CNTNAP2: variants seen among roughly 807,000 people sequenced by gnomAD.
The protein encoded by CNTNAP2 is contactin-associated protein-like 2.
In CNTNAP2, 98 loss-of-function variants were observed where a neutral mutation model predicts 155.2. The observed-to-expected ratio is 0.63, with a 90% CI of 0.54 to 0.75. CNTNAP2 has a LOEUF of 0.75. Among genes scored for constraint, CNTNAP2 ranks in the 30% least tolerant of loss-of-function variants. CNTNAP2 has a pLI of 0.00. For synonymous variants in CNTNAP2, 651 were observed against 631.2 expected, an observed-to-expected ratio of 1.03 and a Z score of -0.47; for missense variants, 1,727 against 1,688.1, an observed-to-expected ratio of 1.02 and a Z score of -0.40.
At chr7:147,794,478 A>G (rs2116578051) in intron 13 of CNTNAP2, among the ~76,000 whole-genome samples, 1 of 152,114 alleles carries the variant, frequency 6.6e-6, no homozygotes, top group Middle Eastern at 3.4e-3. Flanking sequence ...TGTTAAACCA[A>G]TCTTATACAT....
chr7:148,022,295 C>G (rs1802293977), intron 15 of CNTNAP2, among the ~76,000 whole-genome samples: 1 of 152,016 alleles, frequency 6.6e-6, no homozygotes, highest in Non-Finnish European at 1.5e-5. Context: ...CGGTGAAACT[C>G]CGTCTCTACT....
At chr7:146,775,106 C>T (rs897586983) in intron 2 of CNTNAP2, among the ~76,000 whole-genome samples, 3 of 152,042 alleles carry the variant, frequency 2.0e-5, no homozygotes, top group Admixed American at 6.5e-5. Flanking sequence ...AAACAGAGAC[C>T]ATGATGTTTA....
At chr7:147,596,168 G>A (rs1800823876) in intron 12 of CNTNAP2, among the ~76,000 whole-genome samples, 1 of 151,914 alleles carries the variant, frequency 6.6e-6, no homozygotes, top group African/African-American at 2.4e-5. Context: ...AGGAAAATGT[G>A]TTCTTTCATT....
chr7:146,541,822 A>G (rs529030144), intron 1 of CNTNAP2, among the ~76,000 whole-genome samples: 78 of 151,890 alleles, frequency 5.1e-4, no homozygotes, highest in Non-Finnish European at 9.6e-4. Context: ...TAACCTTTTC[A>G]CCAGAAAACC....
At position 148,417,998 on chromosome 7, in the gene CNTNAP2, A is replaced by G. The variant is rs146274536; in HGVS notation, c.*2382A>G. 1 of 152,336 alleles carries G rather than the reference A, an allele frequency of 6.6e-6. No individual in the cohort carries two copies. Among genetic ancestry groups the G allele is most frequent in the East Asian group, 1.9e-4 (1 of 5,186 alleles). 9.4% of individuals were successfully genotyped at this position (152,336 alleles called of 1,614,324 possible). On this transcript the variant is annotated 3_prime_UTR_variant, in exon 24 of 24. Transcript: ENST00000361727. The stretch of plus-strand genomic sequence containing the variant: ...CTGCAGGGATCAGTGGTTCTCCCAT[A>G]TCACCATCAATTAAGACATATAGGA...
chr7:148,220,125 C>CG (rs764603466), intron 19 of CNTNAP2, among the ~76,000 whole-genome samples: 10 of 152,214 alleles, frequency 6.6e-5, no homozygotes, highest in Non-Finnish European at 1.3e-4. Flanking sequence ...TTTTTTGAGA[C>CG]GGAGTCTCGC....
At chr7:147,988,642 G>A (rs796888642) in intron 15 of CNTNAP2, among the ~76,000 whole-genome samples, 23 of 152,116 alleles carry the variant, frequency 1.5e-4, no homozygotes, top group African/African-American at 5.1e-4. Flanking sequence ...GATGGGTTCT[G>A]CCTCCTCCAT....
intron 16 of CNTNAP2, among the ~76,000 whole-genome samples, chr7:148,126,347 A>G (rs1804715505): frequency 6.6e-6 from 1 of 152,206 alleles, no homozygotes; most frequent in South Asian, 2.1e-4. Flanking sequence ...TTGTTGAATG[A>G]ATGAAATGAA....
At chr7:147,300,096 T>C in intron 8 of CNTNAP2, 45 bp from the exon 9 acceptor site, 3 of 1,596,004 alleles carry the variant, frequency 1.9e-6, no homozygotes, top group Non-Finnish European at 2.6e-6. Flanking sequence ...TGTGTTCAGC[T>C]GGGTAATTTT....
At chr7:147,136,630 G>T (rs1801486156) in intron 8 of CNTNAP2, among the ~76,000 whole-genome samples, 1 of 151,922 alleles carries the variant, frequency 6.6e-6, no homozygotes, top group Admixed American at 6.6e-5. Context: ...ACTCCAGGCA[G>T]TGTCTATTCT....
At chr7:146,674,956 C>G (rs1377296790) in intron 1 of CNTNAP2, among the ~76,000 whole-genome samples, 1 of 152,160 alleles carries the variant, frequency 6.6e-6, no homozygotes, top group Non-Finnish European at 1.5e-5. Context: ...TTGCTGAAGA[C>G]AGTTCATCTT....
intron 12 of CNTNAP2, among the ~76,000 whole-genome samples, chr7:147,611,417 T>A (rs1801181841): frequency 3.9e-5 from 6 of 152,242 alleles, no homozygotes; most frequent in Admixed American, 3.3e-4. Flanking sequence ...TAAGTATCGA[T>A]GTAAATGTAG....
At chr7:147,076,701 T>C (rs1254329593) in intron 4 of CNTNAP2, among the ~76,000 whole-genome samples, 2 of 152,212 alleles carry the variant, frequency 1.3e-5, no homozygotes, top group East Asian at 3.8e-4. Flanking sequence ...AGGATGTTGT[T>C]CCTTGTTACT....
At chr7:147,548,384 G>A (rs999144446) in intron 11 of CNTNAP2, among the ~76,000 whole-genome samples, 3 of 152,140 alleles carry the variant, frequency 2.0e-5, no homozygotes, top group Non-Finnish European at 2.9e-5. Flanking sequence ...TCATATGTTT[G>A]TTGGGAGCCT....
At chr7:146,543,081 T>G (rs915459104) in intron 1 of CNTNAP2, among the ~76,000 whole-genome samples, 1 of 151,876 alleles carries the variant, frequency 6.6e-6, no homozygotes, top group African/African-American at 2.4e-5. Context: ...CAAAAAATGA[T>G]AAAACTATGT....
At chr7:148,160,076 C>CA (rs1026011777) in intron 17 of CNTNAP2, among the ~76,000 whole-genome samples, 2 of 151,976 alleles carry the variant, frequency 1.3e-5, no homozygotes, top group African/African-American at 4.8e-5. Flanking sequence ...CCATCTCTAC[C>CA]AAAAAATACA....
chr7:147,425,173 G>T (rs1797358134), intron 10 of CNTNAP2, among the ~76,000 whole-genome samples: 2 of 148,494 alleles, frequency 1.3e-5, no homozygotes, highest in African/African-American at 2.5e-5. Context: ...GTTTTCAGAT[G>T]ATGAGAATAA....
At position 147,325,119 on chromosome 7, in the gene CNTNAP2, A is replaced by C. The variant is rs191429326; in HGVS notation, c.1498+24829A>C. Reference sequence around the variant, plus strand: ...GGAGTTCAAGACCAGCCTGGCCAATATGGTGAAACTCTGTACTAAAAATAC... The same window carrying C: ...GGAGTTCAAGACCAGCCTGGCCAATCTGGTGAAACTCTGTACTAAAAATAC... On this transcript the variant is annotated intron_variant, in intron 9 of 23. Transcript: ENST00000361727. Among the ~76,000 whole-genome samples the C allele has an allele frequency of 4.5e-4, 68 of 152,250 alleles. 3 individuals are homozygous for C. The East Asian group carries it at 0.013, about 29-fold the overall frequency.
intron 17 of CNTNAP2, among the ~76,000 whole-genome samples, chr7:148,151,542 C>T (rs143058450): frequency 0.012 from 1,861 of 152,146 alleles, 44 homozygotes; most frequent in African/African-American, 0.043. Flanking sequence ...GTGATCTGCC[C>T]GCCTCAGCCT....
Sources: gnomAD v4.1 joint callset for allele counts (sites outside exome capture counted in the v4.1 genomes callset) on GRCh38, gnomAD v4.1.1 for gene constraint, MANE v1.5 for transcripts, NCBI Gene and HGNC (gene_info 2026-07-23, HGNC 2026-07-21) for gene names.